Variants in PDGFC observed in about 807,000 individuals in gnomAD.
PDGFC encodes platelet derived growth factor C.
PDGFC carries 12 observed loss-of-function variants against 35.5 expected under a neutral mutation model. That is an observed-to-expected ratio of 0.34 (90% CI 0.22 to 0.55). The LOEUF is 0.55. PDGFC is among the 20% of genes least tolerant of loss of function. The pLI is 0.91. For missense variants in PDGFC, 322 were observed against 412.4 expected (o/e 0.78, Z 1.90); for synonymous variants, 159 against 148.8 (o/e 1.07, Z -0.50).
chr4:156,871,340 G>A (rs148842936), intron 1 of PDGFC, among the ~76,000 whole-genome samples: 24 of 152,216 alleles, frequency 1.6e-4, no homozygotes, highest in African/African-American at 5.1e-4. Context: ...ACTGCAGATC[G>A]AGAAAACTAG....
At chr4:156,891,297 A>G (rs920859546) in intron 1 of PDGFC, among the ~76,000 whole-genome samples, 9 of 50,472 alleles carry the variant, frequency 1.8e-4, no homozygotes, top group African/African-American at 1.4e-3. Context: ...AAAAAAAAAA[A>G]AAAAAAAAAA....
At chr4:156,866,354 C>CA (rs772821629) in intron 1 of PDGFC, among the ~76,000 whole-genome samples, 2 of 151,630 alleles carry the variant, frequency 1.3e-5, no homozygotes, top group Admixed American at 1.3e-4. Flanking sequence ...TTTTTAACAG[C>CA]AAAAAAAGCT....
intron 1 of PDGFC, among the ~76,000 whole-genome samples, chr4:156,941,231 G>C (rs180938314): frequency 7.9e-5 from 12 of 152,262 alleles, no homozygotes; most frequent in African/African-American, 2.9e-4. Context: ...TGAGGTAAGT[G>C]AAACATAATG....
intron 3 of PDGFC, among the ~76,000 whole-genome samples, chr4:156,790,938 C>T (rs2110880811): frequency 6.6e-6 from 1 of 152,286 alleles, no homozygotes; most frequent in South Asian, 2.1e-4. Flanking sequence ...TTGCATTTTA[C>T]ATCCTACATT....
chr4:156,832,259 T>C (rs904279834), intron 2 of PDGFC, among the ~76,000 whole-genome samples: 61 of 146,840 alleles, frequency 4.2e-4, no homozygotes, highest in South Asian at 2.2e-4. Context: ...CTTTCTTTTT[T>C]TTTTTTTTTT....
chr4:156,950,739 T>C (rs1161773287), intron 1 of PDGFC, among the ~76,000 whole-genome samples: 2 of 151,782 alleles, frequency 1.3e-5, no homozygotes, highest in Non-Finnish European at 2.9e-5. Flanking sequence ...AATCTATTTA[T>C]ACCCACAAAT....
chr4:156,875,901 C>T (rs1414744527), intron 1 of PDGFC, among the ~76,000 whole-genome samples: 3 of 152,016 alleles, frequency 2.0e-5, no homozygotes, highest in Admixed American at 6.6e-5. Flanking sequence ...AAAGTGATTT[C>T]GCACAGAAAA....
In PDGFC at chr4:156,768,114, C is replaced by G. The variant is rs1337288624; in HGVS notation, c.704-124G>C. 1.2e-5 allele frequency: 8 copies of G among 670,780 alleles called. No homozygotes were observed. In the African/African-American group the frequency reaches 1.3e-4, roughly 11 times the overall value. 41.6% of individuals were successfully genotyped at this position (670,780 alleles called of 1,614,324 possible). ...TCATGAACAATATCCATAACAATAT[C>G]CGCTCTTATTGTAAGTAGATTTTAG... On this transcript the variant is annotated intron_variant, in intron 4 of 5. Transcript: ENST00000502773.
intron 3 of PDGFC, among the ~76,000 whole-genome samples, chr4:156,777,408 G>A (rs1730858664): frequency 6.6e-6 from 1 of 152,128 alleles, no homozygotes; most frequent in East Asian, 1.9e-4. Context: ...TTTGGAGACA[G>A]GGTCTTTAAA....
At chr4:156,850,791 T>C (rs1012594131) in intron 1 of PDGFC, among the ~76,000 whole-genome samples, 3 of 150,056 alleles carry the variant, frequency 2.0e-5, no homozygotes, top group African/African-American at 7.5e-5. Flanking sequence ...TATAATTCTA[T>C]TTTAAAAAAT....
chr4:156,778,313 G>A (rs1730881098), intron 3 of PDGFC: 1 of 248,064 alleles, frequency 4.0e-6, no homozygotes, highest in African/African-American at 2.3e-5. Flanking sequence ...ACAAATCCTG[G>A]TGAATGTGGA....
intron 1 of PDGFC, among the ~76,000 whole-genome samples, chr4:156,864,661 T>C (rs1560847062): frequency 6.6e-6 from 1 of 152,120 alleles, no homozygotes; most frequent in Non-Finnish European, 1.5e-5. Flanking sequence ...TATTCTGGTG[T>C]GGTACGGCAG....
At chr4:156,818,181 A>G (rs958276915) in intron 2 of PDGFC, among the ~76,000 whole-genome samples, 3 of 150,762 alleles carry the variant, frequency 2.0e-5, no homozygotes, top group Non-Finnish European at 1.5e-5. Context: ...ATTCCCAAGT[A>G]AATTGTAATC....
chr4:156,822,290 C>T (rs980090745), intron 2 of PDGFC, among the ~76,000 whole-genome samples: 5 of 138,104 alleles, frequency 3.6e-5, no homozygotes, highest in East Asian at 2.2e-4. Context: ...ACCCGGGAGG[C>T]GGAGCTTGCA....
chr4:156,790,863 C>A (rs1731280359), intron 3 of PDGFC, among the ~76,000 whole-genome samples: 1 of 152,184 alleles, frequency 6.6e-6, no homozygotes. Context: ...TCCTCTGGCA[C>A]AGGGTAGGAA....
chr4:156,926,470 AG>A (rs1731417154), intron 1 of PDGFC, among the ~76,000 whole-genome samples: 1 of 152,146 alleles, frequency 6.6e-6, no homozygotes, highest in South Asian at 2.1e-4. Context: ...GACTTATGTG[AG>A]GACAGGCACT....
chr4:156,931,393 T>C (rs1001617842), intron 1 of PDGFC, among the ~76,000 whole-genome samples: 1 of 152,208 alleles, frequency 6.6e-6, no homozygotes, highest in African/African-American at 2.4e-5. Context: ...CAAAGATCCA[T>C]GAAGGCTTAA....
chr4:156,866,791 AAC>A (rs10536443), intron 1 of PDGFC, among the ~76,000 whole-genome samples: 33,459 of 151,806 alleles, frequency 0.22, 4,393 homozygotes, highest in South Asian at 0.53. Flanking sequence ...CATTAATTAA[AAC>A]AGTTTTTCTT....
chr4:156,788,934 G>A (rs1052824256), intron 3 of PDGFC, among the ~76,000 whole-genome samples: 1 of 152,160 alleles, frequency 6.6e-6, no homozygotes, highest in African/African-American at 2.4e-5. Context: ...GTTTCAGCTT[G>A]TGCTACTGCT....
Sources: gnomAD v4.1 joint callset for allele counts (sites outside exome capture counted in the v4.1 genomes callset) on GRCh38, gnomAD v4.1.1 for gene constraint, MANE v1.5 for transcripts, NCBI Gene and HGNC (gene_info 2026-07-23, HGNC 2026-07-21) for gene names.